ABCC3: variants seen among roughly 807,000 people sequenced by gnomAD.
ABCC3 encodes the protein ATP-binding cassette sub-family C member 3.
ABCC3 carries 121 observed loss-of-function variants against 165.3 expected under a neutral mutation model. The observed-to-expected ratio is 0.73, with a 90% CI of 0.63 to 0.85. The LOEUF (loss-of-function observed/expected upper bound fraction) is 0.85. ABCC3 is among the 40% of genes least tolerant of loss of function. ABCC3 has a pLI of 0.00. For synonymous variants in ABCC3, 733 were observed against 810.1 expected (o/e 0.90, Z 1.62); for missense variants, 1,869 against 1,964.1 (o/e 0.95, Z 0.92).
At position 50,667,923 on chromosome 17, in the gene ABCC3, G is replaced by A. The variant is rs1346536152; in HGVS notation, c.1696G>A (p.Glu566Lys). 10 of 1,614,190 alleles carry A rather than the reference G, an allele frequency of 6.2e-6. 1 individual carries two copies. Among genetic ancestry groups the A allele is most frequent in the Non-Finnish European group, 8.5e-6 (10 of 1,180,020 alleles). Reference sequence around the variant, plus strand: ...GGACCCAAACAATGTGCTGGACGCCGAGAAGGCCTTTGTGTCTGTGTCCTT... The same window carrying A: ...GGACCCAAACAATGTGCTGGACGCCAAGAAGGCCTTTGTGTCTGTGTCCTT... ...YVDPNNVLDAEKAFVSVSLFN... is the reference protein window; with the variant it reads ...YVDPNNVLDAKKAFVSVSLFN... The change falls in exon 13 of 31, where the codon GAG becomes AAG. Residue 566 changes from glutamate (E) to lysine (K), a missense_variant. Physicochemically the swap from Glu to Lys is moderately conservative, Grantham distance 56. Coordinates refer to ENST00000285238, the MANE Select transcript of ABCC3 (RefSeq NM_003786.4).
chr17:50,639,012 G>A (rs2054203391), intron 1 of ABCC3, among the ~76,000 whole-genome samples: 1 of 152,156 alleles, frequency 6.6e-6, no homozygotes, highest in South Asian at 2.1e-4. Context: ...TGCCTTCTTA[G>A]TAGGCAGCCA....
At chr17:50,662,739 G>A (rs529304614) in intron 8 of ABCC3, among the ~76,000 whole-genome samples, 31 of 151,992 alleles carry the variant, frequency 2.0e-4, no homozygotes, top group African/African-American at 6.3e-4. Flanking sequence ...ATGAGGCCAC[G>A]TTCACAGGTA....
At chr17:50,653,831 A>G (rs1377687456) in intron 1 of ABCC3, among the ~76,000 whole-genome samples, 1 of 152,106 alleles carries the variant, frequency 6.6e-6, no homozygotes, top group East Asian at 1.9e-4. Context: ...TAGTACTTAC[A>G]GAGAGAAAAA....
chr17:50,674,510 C>T (rs1447087089), intron 19 of ABCC3: 4 of 152,214 alleles, frequency 2.6e-5, no homozygotes, highest in African/African-American at 9.7e-5. Context: ...ATTGGACAAT[C>T]ACTATATACA....
intron 1 of ABCC3, chr17:50,643,570 C>T: frequency 2.2e-6 from 1 of 456,342 alleles, no homozygotes; most frequent in Non-Finnish European, 4.4e-6. Context: ...CTGCCTGACT[C>T]ACCAAGGCCC....
chr17:50,669,411 C>T lies in ABCC3; in HGVS notation c.2124C>T (p.Asn708=), dbSNP rs188344711. The T allele has an allele frequency of 2.5e-6, 4 of 1,614,258 alleles. No individual in the cohort carries two copies. The highest frequency in any genetic ancestry group is 1.7e-6 in the Non-Finnish European group (2 of 1,180,044). Residue 708 remains asparagine, a synonymous_variant, in exon 17 of 31, where the codon AAC becomes AAT. Coordinates refer to ENST00000285238, the MANE Select transcript of ABCC3 (RefSeq NM_003786.4). ...TCCAGAACTGCACTCTTCAGGAAAACGTGCTTTTCGGCAAAGCCCTGAACC... is the reference window on the plus strand; with the variant it reads ...TCCAGAACTGCACTCTTCAGGAAAATGTGCTTTTCGGCAAAGCCCTGAACC... ...AWIQNCTLQE[N]VLFGKALNPK...
chr17:50,661,086 C>T lies in ABCC3; in HGVS notation c.970C>T (p.Leu324Phe). The change falls in exon 8 of 31, where the codon CTC (leucine) becomes TTC (phenylalanine). Residue 324 changes from leucine (L) to phenylalanine (F), a missense_variant. By Grantham distance (22) the Leu-to-Phe change is conservative. Coordinates refer to ENST00000285238, the MANE Select transcript of ABCC3 (RefSeq NM_003786.4). Reference protein sequence around the residue: ...SACFKLIQDLLSFINPQLLSI... With the variant: ...SACFKLIQDLFSFINPQLLSI... ...CTGCTTCAAGCTTATCCAGGACCTG[C>T]TCTCCTTCATCAATCCACAGCTGCT... 5 of 1,613,864 alleles carry T rather than the reference C, an allele frequency of 3.1e-6. No homozygotes were observed. Among genetic ancestry groups the T allele is most frequent in the East Asian group, 2.2e-5 (1 of 44,886 alleles).
intron 17 of ABCC3, among the ~76,000 whole-genome samples, chr17:50,669,870 G>A (rs569207437): frequency 2.0e-5 from 3 of 152,034 alleles, no homozygotes; most frequent in African/African-American, 4.8e-5. Context: ...ATCATGGGAC[G>A]CTGCAGCTTG....
intron 11 of ABCC3, among the ~76,000 whole-genome samples, chr17:50,666,005 C>T (rs192662282): frequency 1.3e-5 from 2 of 152,212 alleles, no homozygotes; most frequent in East Asian, 3.9e-4. Context: ...CAAGTCCTCA[C>T]CCCCTGCGGA....
chr17:50,673,956 CTT>C (rs371950594), intron 19 of ABCC3, among the ~76,000 whole-genome samples: 7 of 17,364 alleles, frequency 4.0e-4, no homozygotes, highest in African/African-American at 2.5e-4. Flanking sequence ...TTCTTTCTTT[CTT>C]TCTTTCTTTC....
intron 1 of ABCC3, among the ~76,000 whole-genome samples, chr17:50,644,773 C>T (rs1209594936): frequency 2.6e-5 from 4 of 151,796 alleles, no homozygotes; most frequent in African/African-American, 9.7e-5. Flanking sequence ...AATCCCAGCA[C>T]TTTGGGAGGC....
At chr17:50,638,760 C>T (rs1336522175) in intron 1 of ABCC3, among the ~76,000 whole-genome samples, 3 of 152,180 alleles carry the variant, frequency 2.0e-5, no homozygotes, top group East Asian at 1.9e-4. Flanking sequence ...CCCTTGGAGG[C>T]TCAGCTCCCT....
intron 10 of ABCC3, chr17:50,664,563 C>T (rs777920669): frequency 3.4e-5 from 7 of 203,246 alleles, no homozygotes; most frequent in South Asian, 1.7e-4. Context: ...ATTAGCCAGA[C>T]GTGGTGGCGG....
chr17:50,642,086 C>T (rs1056259395), intron 1 of ABCC3, among the ~76,000 whole-genome samples: 1 of 151,928 alleles, frequency 6.6e-6, no homozygotes, highest in Non-Finnish European at 1.5e-5. Context: ...GCTGAGAGAC[C>T]GGATGTGGGA....
Position 50,673,559 on chromosome 17 carries a change from C to G in ABCC3, c.2500C>G (p.Pro834Ala), listed in dbSNP as rs1255491352. 2.5e-6 allele frequency: 4 copies of G among 1,614,168 alleles called. No individual in the cohort carries two copies. Among genetic ancestry groups the G allele is most frequent in the Non-Finnish European group, 3.4e-6 (4 of 1,180,022 alleles). ...TGATGGACAGGTGTCTGAGATGGGC[C>G]CGTACCCAGCCCTGCTGCAGCGCAA... ...LADGQVSEMG[P>A]YPALLQRNGS... The change falls in exon 19 of 31, where the codon CCG (proline) becomes GCG (alanine). Residue 834 changes from proline to alanine, a missense_variant. Physicochemically the swap from Pro to Ala is conservative, Grantham distance 27. Transcript: ENST00000285238.
rs1462485792 is a variant in ABCC3 at position 50,692,073 on chromosome 17, A to G, written c.*873A>G. On this transcript the variant is annotated 3_prime_UTR_variant, in exon 31 of 31. Coordinates refer to ENST00000285238, the MANE Select transcript of ABCC3 (RefSeq NM_003786.4). The stretch of plus-strand genomic sequence containing the variant: ...TTGCTCATTTCGAAGTCTGTTCCAG[A>G]CAGTTCCTATAACCAGTGAGGCCTC... 1 of 152,168 alleles carries G rather than the reference A, an allele frequency of 6.6e-6. No homozygotes were observed. 9.4% of individuals were successfully genotyped at this position (152,168 alleles called of 1,614,324 possible).
rs755779050 is a variant in ABCC3, at chr17:50,673,002, G to A, written c.2273G>A (p.Arg758Gln). The change falls in exon 18 of 31, where the codon CGG (arginine) becomes CAG (glutamine). Residue 758 changes from arginine (R) to glutamine (Q), a missense_variant. Physicochemically the swap from Arg to Gln is conservative, Grantham distance 43. Coordinates refer to ENST00000285238, the MANE Select transcript of ABCC3 (RefSeq NM_003786.4). ...AACCTGTCTGGGGGCCAGCGGCAGC[G>A]GGTCAGTCTGGCTCGAGCTGTTTAC... ...GINLSGGQRQ[R>Q]VSLARAVYSD... is the part of the protein sequence containing the mutation. The A allele has an allele frequency of 1.5e-5, 25 of 1,613,894 alleles. No homozygotes were observed. Among genetic ancestry groups the A allele is most frequent in the South Asian group, 7.7e-5 (7 of 91,064 alleles).
chr17:50,669,268 T>TGA lies in ABCC3; in HGVS notation c.2064+8_2064+9dup. The TGA allele has an allele frequency of 6.2e-7, 1 of 1,613,882 alleles. No individual in the cohort carries two copies. Among genetic ancestry groups the TGA allele is most frequent in the South Asian group, 1.1e-5 (1 of 91,066 alleles). On this transcript the variant is annotated splice_region_variant and intron_variant, in intron 16 of 30. Coordinates refer to ENST00000285238, the MANE Select transcript of ABCC3 (RefSeq NM_003786.4). Reference sequence around the variant, plus strand: ...CTAGAAGGCAAAGTGCACATGAAGGTGAGAGAGGCAGGGGCTCCTGGGCAG... The same window carrying TGA: ...CTAGAAGGCAAAGTGCACATGAAGGTGAGAGAGAGGCAGGGGCTCCTGGGCAG...
rs936579480 is a variant in ABCC3, at chr17:50,678,307, G to A, written c.3705+88G>A. The stretch of plus-strand genomic sequence containing the variant: ...AGGCATCTCCCGAGTGCCCCTCCCT[G>A]CTCAGTATGGGCACCAGCCACAGGG... On this transcript the variant is annotated intron_variant, in intron 25 of 30. Coordinates refer to ENST00000285238, the MANE Select transcript of ABCC3 (RefSeq NM_003786.4). 4 of 1,401,172 alleles carry A rather than the reference G, an allele frequency of 2.9e-6. No homozygotes were observed. The South Asian group carries it at 6.5e-5, about 23-fold the overall frequency. The allele number at this position is 1,401,172 out of a possible 1,614,324, so 86.8% of individuals were successfully genotyped here. A position where few individuals can be genotyped will look rare whatever the true frequency, so the allele number is the denominator to read the frequency against.
Sources: allele counts gnomAD v4.1 joint callset (sites outside exome capture counted in the v4.1 genomes callset), GRCh38; gene constraint gnomAD v4.1.1; transcripts MANE v1.5; gene names NCBI Gene and HGNC (gene_info 2026-07-23, HGNC 2026-07-21).